SLC35F4: variants seen among roughly 807,000 people sequenced by gnomAD.
The protein encoded by SLC35F4 is chromosome 14 open reading frame 36.
Under a neutral mutation model 44.2 loss-of-function variants are expected in SLC35F4, and 24 were observed. That is an observed-to-expected ratio of 0.54 (90% CI 0.39 to 0.76). The LOEUF is 0.76. SLC35F4 is among the 30% of genes least tolerant of loss of function. The pLI is 0.00. For missense variants in SLC35F4, 562 were observed against 586.1 expected, an observed-to-expected ratio of 0.96 and a Z score of 0.42; for synonymous variants, 238 against 223.6, an observed-to-expected ratio of 1.06 and a Z score of -0.57.
At chr14:57,585,664 G>C (rs1013040971) in intron 3 of SLC35F4, among the ~76,000 whole-genome samples, 2 of 152,134 alleles carry the variant, frequency 1.3e-5, no homozygotes, top group Non-Finnish European at 2.9e-5. Context: ...CAAAATCAAT[G>C]TGCAAATATC....
chr14:57,789,310 G>T (rs1479508288), intron 1 of SLC35F4, among the ~76,000 whole-genome samples: 1 of 151,858 alleles, frequency 6.6e-6, no homozygotes, highest in Non-Finnish European at 1.5e-5. Flanking sequence ...ATGATAAAGG[G>T]GAGATCACCA....
In SLC35F4 at chr14:57,755,999, T is replaced by C. The variant is rs1463202896; in HGVS notation, c.103+109724A>G. Among the ~76,000 whole-genome samples the C allele has an allele frequency of 6.6e-5, 10 of 152,356 alleles. No individual in the cohort carries two copies. In the East Asian group the frequency reaches 1.9e-3, roughly 29 times the overall value. Reference sequence around the variant, plus strand: ...CGTGACAAATGTAGTGATGCCTTACTCTTTCTGACTCTGCTAATCCACTTC... The same window carrying C: ...CGTGACAAATGTAGTGATGCCTTACCCTTTCTGACTCTGCTAATCCACTTC... On this transcript the variant is annotated intron_variant, in intron 1 of 7. Transcript: ENST00000556826.
intron 1 of SLC35F4, among the ~76,000 whole-genome samples, chr14:57,914,569 A>AG (rs1407157137): frequency 6.7e-6 from 1 of 149,372 alleles, no homozygotes; most frequent in Non-Finnish European, 1.5e-5. Context: ...CCTCATAAAA[A>AG]GAAAAAAAAA....
At chr14:57,892,175 T>G (rs571411789) in intron 1 of SLC35F4, among the ~76,000 whole-genome samples, 33 of 152,284 alleles carry the variant, frequency 2.2e-4, no homozygotes, top group Non-Finnish European at 4.3e-4. Context: ...TCTCTTCACT[T>G]CTAGTCAATG....
intron 1 of SLC35F4, chr14:57,630,823 G>T: frequency 1.5e-6 from 1 of 648,902 alleles, no homozygotes; most frequent in Non-Finnish European, 2.0e-6. Flanking sequence ...ACCAGGCAAT[G>T]ATCATAATCA....
At chr14:57,596,369 C>T in intron 1 of SLC35F4, 1 of 226,124 alleles carries the variant, frequency 4.4e-6, no homozygotes, top group Non-Finnish European at 8.8e-6. Flanking sequence ...TTTATTATAC[C>T]TTGTACAGCT....
chr14:57,933,505 G>C (rs1382705686), intron 1 of SLC35F4, among the ~76,000 whole-genome samples: 1 of 152,126 alleles, frequency 6.6e-6, no homozygotes, highest in African/African-American at 2.4e-5. Flanking sequence ...CTGCCTCTTG[G>C]ATACTGCTTC....
chr14:57,629,941 TTCA>T, intron 1 of SLC35F4: 1 of 500,346 alleles, frequency 2.0e-6, no homozygotes. Flanking sequence ...ATCTCTCTTC[TTCA>T]GGAATGTGGC....
At chr14:57,766,077 T>C (rs34555923) in intron 1 of SLC35F4, among the ~76,000 whole-genome samples, 163 of 152,344 alleles carry the variant, frequency 1.1e-3, no homozygotes, top group Non-Finnish European at 1.7e-3. Flanking sequence ...GGTACAGCTC[T>C]TGATGAGTTA....
chr14:57,885,103 A>T (rs1049065696), intron 1 of SLC35F4, among the ~76,000 whole-genome samples: 1 of 152,032 alleles, frequency 6.6e-6, no homozygotes. Context: ...CTGTGGAGAG[A>T]CCCAAAGAGG....
chr14:57,981,546 AATGAAGTGGG>A (rs1881383193), intron 1 of SLC35F4, among the ~76,000 whole-genome samples: 1 of 152,128 alleles, frequency 6.6e-6, no homozygotes, highest in Non-Finnish European at 1.5e-5. Flanking sequence ...ATCTCAAAAT[AATGAAGTGGG>A]ATAGAGGATG....
intron 2 of SLC35F4, among the ~76,000 whole-genome samples, chr14:57,590,036 C>T (rs2070058872): frequency 6.6e-6 from 1 of 151,574 alleles, no homozygotes; most frequent in South Asian, 2.1e-4. Context: ...TATGCACCAA[C>T]ATGAAAAGCG....
intron 1 of SLC35F4, among the ~76,000 whole-genome samples, chr14:57,627,547 T>C (rs2072537663): frequency 6.6e-6 from 1 of 152,114 alleles, no homozygotes; most frequent in African/African-American, 2.4e-5. Flanking sequence ...AAAATTCACA[T>C]AGCTATGCTG....
chr14:57,649,883 G>A (rs962965919), intron 1 of SLC35F4, among the ~76,000 whole-genome samples: 1 of 152,144 alleles, frequency 6.6e-6, no homozygotes, highest in African/African-American at 2.4e-5. Flanking sequence ...GCAGGTGGGT[G>A]AGAAACACTA....
intron 3 of SLC35F4, among the ~76,000 whole-genome samples, chr14:57,586,971 C>G (rs1053621784): frequency 2.1e-5 from 3 of 141,882 alleles, no homozygotes; most frequent in African/African-American, 5.2e-5. Context: ...AAAAAACCAA[C>G]AAACACTTCT....
chr14:57,763,778 T>C (rs1327231374), intron 1 of SLC35F4, among the ~76,000 whole-genome samples: 3 of 152,180 alleles, frequency 2.0e-5, no homozygotes, highest in African/African-American at 7.2e-5. Context: ...TTTCCAAAGA[T>C]AGATCCAGTG....
At chr14:57,678,922 T>C (rs1376038604) in intron 1 of SLC35F4, among the ~76,000 whole-genome samples, 3 of 152,014 alleles carry the variant, frequency 2.0e-5, no homozygotes, top group Non-Finnish European at 4.4e-5. Flanking sequence ...CACACAGTAA[T>C]AGTGGGAGAC....
intron 1 of SLC35F4, among the ~76,000 whole-genome samples, chr14:57,722,514 T>C (rs967884443): frequency 6.6e-6 from 1 of 152,212 alleles, no homozygotes; most frequent in Admixed American, 6.5e-5. Context: ...CTTCTCTGTA[T>C]GTTAGATCCA....
intron 1 of SLC35F4, among the ~76,000 whole-genome samples, chr14:57,859,885 TGAG>T (rs1310518136): frequency 6.6e-6 from 1 of 152,146 alleles, no homozygotes. Flanking sequence ...AAATGCATAA[TGAG>T]AAGGAAAAGG....
Sources: allele counts gnomAD v4.1 joint callset (sites outside exome capture counted in the v4.1 genomes callset), GRCh38; gene constraint gnomAD v4.1.1; transcripts MANE v1.5; gene names NCBI Gene and HGNC (gene_info 2026-07-23, HGNC 2026-07-21).